Variants in MAP3K12 observed in about 807,000 individuals in gnomAD.
MAP3K12 encodes the protein mitogen-activated protein kinase kinase kinase 12.
In MAP3K12, 14 loss-of-function variants were observed where a neutral mutation model predicts 87.5. The ratio of observed to expected loss-of-function variants is 0.16; its 90% CI spans 0.11 to 0.25. MAP3K12 has a LOEUF of 0.25. Among genes scored for constraint, MAP3K12 ranks in the 10% least tolerant of loss-of-function variants. MAP3K12 has a pLI of 1.00. For missense variants in MAP3K12, 802 were observed against 1,140.4 expected, an observed-to-expected ratio of 0.70 and a Z score of 4.27; for synonymous variants, 469 against 452.5, an observed-to-expected ratio of 1.04 and a Z score of -0.46.
chr12:53,490,002 C>G (rs1943356921), intron 1 of MAP3K12, among the ~76,000 whole-genome samples: 1 of 152,186 alleles, frequency 6.6e-6, no homozygotes, highest in South Asian at 2.1e-4. Flanking sequence ...TCAGAAGGAT[C>G]TTTCTAAAAC....
chr12:53,483,317 G>A (rs1943131124), intron 10 of MAP3K12, 32 bp downstream of exon 10: 1 of 1,608,654 alleles, frequency 6.2e-7, no homozygotes, highest in Non-Finnish European at 8.5e-7. Context: ...TATCCCTCTT[G>A]CCATATTGGA....
At chr12:53,492,914 A>T (rs1003354703) in intron 1 of MAP3K12, 1 of 152,400 alleles carries the variant, frequency 6.6e-6, no homozygotes, top group African/African-American at 2.4e-5. Context: ...CGTGCCCTGG[A>T]CAGCTTGGTC....
At position 53,482,938 on chromosome 12, in the gene MAP3K12, G is replaced by C; in HGVS notation, c.1865C>G (p.Ala622Gly). ...AAGCCCACGGAGGGCGGGAGGGCAG[G>C]CCTCCCAGGCTGAGGGTCCCCCTCC... Reference protein sequence around the residue: ...GLGGGPSAWEACPPALRGLHH... With the variant: ...GLGGGPSAWEGCPPALRGLHH... The change falls in exon 11 of 14, where the codon GCC (alanine) becomes GGC (glycine). Residue 622 changes from alanine (A) to glycine (G), a missense_variant. Coordinates refer to ENST00000547488, the MANE Select transcript of MAP3K12 (RefSeq NM_001193511.2). The C allele has an allele frequency of 6.2e-7, 1 of 1,606,726 alleles. No individual in the cohort carries two copies. The highest frequency in any genetic ancestry group is 1.1e-5 in the South Asian group (1 of 90,830).
chr12:53,481,814 G>A (rs1452823808), intron 13 of MAP3K12, 127 bp downstream of exon 13: 48 of 1,175,946 alleles, frequency 4.1e-5, no homozygotes, highest in South Asian at 1.5e-4. Flanking sequence ...ATTCCACCAC[G>A]TGGATATTTG....
Position 53,481,774 on chromosome 12 carries a change from A to G in MAP3K12, c.2580+167T>C, listed in dbSNP as rs1170759775. The G allele has an allele frequency of 1.2e-5, 9 of 772,570 alleles. No individual in the cohort carries two copies. The African/African-American group carries it at 1.4e-4, about 12-fold the overall frequency. The allele number at this position is 772,570 out of a possible 1,614,324, so 47.9% of individuals were successfully genotyped here. A position where few individuals can be genotyped will look rare whatever the true frequency, so the allele number is the denominator to read the frequency against. On this transcript the variant is annotated intron_variant, in intron 13 of 13. Transcript: ENST00000547488. The stretch of plus-strand genomic sequence containing the variant: ...ATGCAAGCTACTGGTCAGGCATCGT[A>G]ATAGATGCTCTGTGCAAGAGGCTTC...
chr12:53,486,923 G>A lies in MAP3K12; in HGVS notation c.445+24C>T, dbSNP rs1943242427. The stretch of plus-strand genomic sequence containing the variant: ...CTCGGGCTCAGGGAAACAGAGAGGA[G>A]GCTCCCACAAGGACGTGGCCTACCT... On this transcript the variant is annotated intron_variant, in intron 2 of 13. Transcript: ENST00000547488. The surrounding 1 kb of genome is among the most constrained non-coding windows in gnomAD (Gnocchi z 4.9). 1 of 1,608,824 alleles carries A rather than the reference G, an allele frequency of 6.2e-7. No homozygotes were observed. The highest frequency in any genetic ancestry group is 8.5e-7 in the Non-Finnish European group (1 of 1,175,910).
intron 1 of MAP3K12, among the ~76,000 whole-genome samples, chr12:53,498,512 T>C (rs1943589938): frequency 6.6e-6 from 1 of 152,138 alleles, no homozygotes; most frequent in South Asian, 2.1e-4. Flanking sequence ...CCCTTAATTC[T>C]AAGGGACACC....
Position 53,486,927 on chromosome 12 carries a change from C to G in MAP3K12, c.445+20G>C. On this transcript the variant is annotated intron_variant, in intron 2 of 13. Transcript: ENST00000547488. The surrounding 1 kb of genome is among the most constrained non-coding windows in gnomAD (Gnocchi z 4.9). The stretch of plus-strand genomic sequence containing the variant: ...GGCTCAGGGAAACAGAGAGGAGGCT[C>G]CCACAAGGACGTGGCCTACCTTCCT... The G allele has an allele frequency of 6.2e-7, 1 of 1,609,124 alleles. No individual in the cohort carries two copies. Among genetic ancestry groups the G allele is most frequent in the Non-Finnish European group, 8.5e-7 (1 of 1,176,078 alleles).
chr12:53,499,023 G>A (rs148247029), intron 1 of MAP3K12, among the ~76,000 whole-genome samples: 1 of 144,746 alleles, frequency 6.9e-6, no homozygotes, highest in Non-Finnish European at 1.5e-5. Context: ...GGGTATATCA[G>A]TCCTTGCCCT....
At chr12:53,494,334 G>A (rs1380341551) in intron 1 of MAP3K12, among the ~76,000 whole-genome samples, 1 of 152,234 alleles carries the variant, frequency 6.6e-6, no homozygotes. Flanking sequence ...CTCACATTGG[G>A]TGAGGGGACA....
Position 53,484,035 on chromosome 12 carries a change from C to T in MAP3K12, c.1249-15G>A. Reference sequence around the variant, plus strand: ...CGCCACTCTGCCTATGGGTTGAGAGCAGATGAAGAGTGAGAGCCATCCCTT... The same window carrying T: ...CGCCACTCTGCCTATGGGTTGAGAGTAGATGAAGAGTGAGAGCCATCCCTT... On this transcript the variant is annotated splice_polypyrimidine_tract_variant and intron_variant, in intron 7 of 13. Transcript: ENST00000547488. 6.2e-7 allele frequency: 1 copy of T among 1,610,982 alleles called. No individual in the cohort carries two copies. Among genetic ancestry groups the T allele is most frequent in the Non-Finnish European group, 8.5e-7 (1 of 1,177,194 alleles).
chr12:53,497,527 G>A (rs1225924521), intron 1 of MAP3K12, among the ~76,000 whole-genome samples: 3 of 152,114 alleles, frequency 2.0e-5, no homozygotes, highest in Non-Finnish European at 4.4e-5. Flanking sequence ...GTCCTTCTGG[G>A]AGCCAATGAA....
At chr12:53,493,800 C>T (rs1194827939) in intron 1 of MAP3K12, 1 of 152,158 alleles carries the variant, frequency 6.6e-6, no homozygotes, top group Non-Finnish European at 1.5e-5. Flanking sequence ...TGCAGCCAGC[C>T]GAGCCTCCCT....
intron 8 of MAP3K12, 78 bp from the exon 9 acceptor site, chr12:53,483,801 G>C (rs1410548807): frequency 8.7e-6 from 14 of 1,611,946 alleles, no homozygotes; most frequent in Non-Finnish European, 1.2e-5. Flanking sequence ...CAGAATTCCT[G>C]TCCACAGTCC....
chr12:53,500,053 C>T (rs1275521544), upstream of MAP3K12: 1 of 152,348 alleles, frequency 6.6e-6, no homozygotes, highest in Non-Finnish European at 1.5e-5. Flanking sequence ...CTCTAGGCCC[C>T]ATCCTCCTCC....
chr12:53,482,388 G>A lies in MAP3K12; in HGVS notation c.2239-19C>T, dbSNP rs370208561. 5.0e-6 allele frequency: 8 copies of A among 1,607,972 alleles called. No individual in the cohort carries two copies. In the South Asian group the frequency reaches 6.6e-5, roughly 13 times the overall value. ...CACGTTTCTGCAGGAGAGATGGGGT[G>A]GGGGGGGTCTGATTAGAAGTGGAAA... On this transcript the variant is annotated intron_variant, in intron 11 of 13. Coordinates refer to ENST00000547488, the MANE Select transcript of MAP3K12 (RefSeq NM_001193511.2).
At chr12:53,487,579 A>C in intron 1 of MAP3K12, 151 bp from the exon 2 acceptor site, 1 of 700,726 alleles carries the variant, frequency 1.4e-6, no homozygotes, top group South Asian at 2.2e-5. Context: ...TGGCCCTCCA[A>C]ATTGCACCTT....
chr12:53,500,792 CG>C (rs3215295), upstream of MAP3K12: 13,266 of 152,042 alleles, frequency 0.087, 811 homozygotes, highest in Non-Finnish European at 0.12. Flanking sequence ...GAGGCGGGGT[CG>C]GGGGGGGCTG....
At position 53,481,035 on chromosome 12, in the gene MAP3K12, G is replaced by T; in HGVS notation, c.*147C>A. The T allele has an allele frequency of 4.3e-6, 1 of 232,046 alleles. No homozygotes were observed. Among genetic ancestry groups the T allele is most frequent in the Non-Finnish European group, 7.8e-6 (1 of 127,456 alleles). The allele number at this position is 232,046 out of a possible 1,614,324, so 14.4% of individuals were successfully genotyped here. On this transcript the variant is annotated 3_prime_UTR_variant, in exon 14 of 14. Coordinates refer to ENST00000547488, the MANE Select transcript of MAP3K12 (RefSeq NM_001193511.2). ...GTCCCTAGAGTTTATCAGGTGAATT[G>T]GTCAGGGGATCAGTCTCCCTCGAGC... is the stretch of plus-strand genomic sequence containing the variant.
Sources: gnomAD v4.1 joint callset for allele counts (sites outside exome capture counted in the v4.1 genomes callset) on GRCh38, gnomAD v4.1.1 for gene constraint, Gnocchi (gnomAD v3.1) non-coding constraint, MANE v1.5 for transcripts, NCBI Gene and HGNC (gene_info 2026-07-23, HGNC 2026-07-21) for gene names.